INTS4: variants seen among roughly 807,000 people sequenced by gnomAD.
The protein encoded by INTS4 is MSTP093.
INTS4 carries 70 observed loss-of-function variants against 119.5 expected under a neutral mutation model. The ratio of observed to expected loss-of-function variants is 0.59; its 90% CI spans 0.48 to 0.71. The LOEUF is 0.71. INTS4 is among the 30% of genes least tolerant of loss of function. The pLI, the probability that INTS4 is intolerant of heterozygous loss-of-function variation, is 0.00. For missense variants in INTS4, 867 were observed against 1,173.2 expected (o/e 0.74, Z 3.81); for synonymous variants, 316 against 419.6 (o/e 0.75, Z 3.02).
intron 10 of INTS4, among the ~76,000 whole-genome samples, chr11:77,930,070 G>A (rs1046696575): frequency 9.2e-5 from 14 of 152,188 alleles, no homozygotes; most frequent in Admixed American, 7.9e-4. Context: ...TATGCTAGGT[G>A]CAGTACTAAG....
intron 8 of INTS4, among the ~76,000 whole-genome samples, chr11:77,946,261 C>A (rs1019329192): frequency 1.5e-4 from 23 of 152,208 alleles, no homozygotes; most frequent in Non-Finnish European, 3.1e-4. Context: ...TATTACACCA[C>A]CCACTGAGTC....
chr11:77,908,775 T>C (rs554300459), intron 15 of INTS4, among the ~76,000 whole-genome samples: 130 of 152,376 alleles, frequency 8.5e-4, no homozygotes, highest in Non-Finnish European at 1.7e-3. Flanking sequence ...TTCTCCCAAC[T>C]ATGCTTTATT....
chr11:77,950,049 G>C (rs1371266383), intron 8 of INTS4, among the ~76,000 whole-genome samples: 4 of 152,182 alleles, frequency 2.6e-5, no homozygotes, highest in Admixed American at 6.6e-5. Context: ...AAAAAAGGAT[G>C]AGTTCATGTT....
At chr11:77,877,247 C>T (rs563374041), downstream of INTS4, among the ~76,000 whole-genome samples, 83 of 127,838 alleles carry the variant, frequency 6.5e-4, no homozygotes, top group African/African-American at 2.7e-3. Flanking sequence ...GATAACAGTA[C>T]CTAGAGAGTT....
chr11:77,897,266 G>C (rs1388445995), intron 18 of INTS4, among the ~76,000 whole-genome samples: 2 of 151,916 alleles, frequency 1.3e-5, no homozygotes, highest in East Asian at 3.9e-4. Context: ...GGCCGAGGTG[G>C]AAGGACACTT....
intron 10 of INTS4, among the ~76,000 whole-genome samples, chr11:77,928,920 C>T (rs1303672923): frequency 2.0e-5 from 3 of 151,478 alleles, no homozygotes; most frequent in Non-Finnish European, 4.4e-5. Flanking sequence ...ACTTGGGAGG[C>T]TGAGGCAGGA....
chr11:77,957,905 G>A (rs1954372017), intron 7 of INTS4, among the ~76,000 whole-genome samples: 1 of 151,998 alleles, frequency 6.6e-6, no homozygotes. Flanking sequence ...CTGACCTGAG[G>A]TGATCCGCCC....
At chr11:77,935,840 G>A (rs1449298111) in intron 10 of INTS4, among the ~76,000 whole-genome samples, 1 of 148,754 alleles carries the variant, frequency 6.7e-6, no homozygotes, top group East Asian at 2.0e-4. Context: ...AGGCTGCAGC[G>A]AGCCGTGACT....
At chr11:77,901,988 T>G (rs1235017634) in intron 17 of INTS4, among the ~76,000 whole-genome samples, 1 of 152,154 alleles carries the variant, frequency 6.6e-6, no homozygotes, top group Non-Finnish European at 1.5e-5. Context: ...TCCATGGGCC[T>G]GGTCTGAGGG....
intron 4 of INTS4, among the ~76,000 whole-genome samples, chr11:77,970,013 T>C (rs1302771105): frequency 2.0e-5 from 3 of 152,218 alleles, no homozygotes; most frequent in Non-Finnish European, 2.9e-5. Context: ...AATGGGCAAA[T>C]AATATTCTAA....
chr11:77,916,141 C>A (rs550382062), intron 15 of INTS4, among the ~76,000 whole-genome samples: 1 of 152,304 alleles, frequency 6.6e-6, no homozygotes, highest in Non-Finnish European at 1.5e-5. Flanking sequence ...TTAAAAGCCT[C>A]TTTTGTTTTC....
chr11:77,883,781 T>C (rs769107140), intron 22 of INTS4, 51 bp downstream of exon 22: 1 of 1,595,428 alleles, frequency 6.3e-7, no homozygotes, highest in Middle Eastern at 1.7e-4. Context: ...TAAGGGTAGG[T>C]GTGATCTCCA....
chr11:77,983,343 G>A (rs549149271), intron 2 of INTS4, among the ~76,000 whole-genome samples: 1 of 152,118 alleles, frequency 6.6e-6, no homozygotes, highest in African/African-American at 2.4e-5. Flanking sequence ...TTGAACTCCT[G>A]GGCTCCTGCC....
chr11:77,886,203 C>CA (rs1255429916), intron 21 of INTS4, among the ~76,000 whole-genome samples: 5 of 150,066 alleles, frequency 3.3e-5, no homozygotes, highest in Non-Finnish European at 7.4e-5. Context: ...GACCTTGTCT[C>CA]AAAAAAAAGA....
At chr11:77,990,811 T>C (rs1856652461) in intron 2 of INTS4, among the ~76,000 whole-genome samples, 1 of 152,128 alleles carries the variant, frequency 6.6e-6, no homozygotes, top group Non-Finnish European at 1.5e-5. Flanking sequence ...TCATGATTGA[T>C]ATTTACTCCT....
rs552552299 is a variant in INTS4 at position 77,933,458 on chromosome 11, G to A, written c.1166-4911C>T. On this transcript the variant is annotated intron_variant, in intron 10 of 22. Coordinates refer to ENST00000534064, the MANE Select transcript of INTS4 (RefSeq NM_033547.4). Reference sequence around the variant, plus strand: ...CCGGGCTGGTCTCCAGCTCCTAACCGCCAGTGATCTGCCAGCCTCGGCCTC... The same window carrying A: ...CCGGGCTGGTCTCCAGCTCCTAACCACCAGTGATCTGCCAGCCTCGGCCTC... Among the ~76,000 whole-genome samples the A allele has an allele frequency of 4.6e-4, 70 of 152,268 alleles. 1 individual carries two copies. The highest frequency in any genetic ancestry group is 6.8e-3 in the Middle Eastern group (2 of 294).
chr11:77,957,394 C>CAAAAGTACA (rs1408703622), intron 7 of INTS4, among the ~76,000 whole-genome samples: 1 of 151,656 alleles, frequency 6.6e-6, no homozygotes, highest in Non-Finnish European at 1.5e-5. Context: ...ACTAAAAGTA[C>CAAAAGTACA]AAAAAATGAG....
chr11:77,988,189 T>G (rs1299440053), intron 2 of INTS4, among the ~76,000 whole-genome samples: 3 of 152,244 alleles, frequency 2.0e-5, no homozygotes. Context: ...GACTAATGGA[T>G]CTGCAGCCTC....
intron 16 of INTS4, among the ~76,000 whole-genome samples, chr11:77,906,601 G>A (rs1442185758): frequency 6.6e-6 from 1 of 152,168 alleles, no homozygotes; most frequent in Non-Finnish European, 1.5e-5. Context: ...GCCTATGGTG[G>A]TGATTACACA....
Sources: gnomAD v4.1 joint callset for allele counts (sites outside exome capture counted in the v4.1 genomes callset) on GRCh38, gnomAD v4.1.1 for gene constraint, MANE v1.5 for transcripts, NCBI Gene and HGNC (gene_info 2026-07-23, HGNC 2026-07-21) for gene names.